The following CTIF variants were observed in gnomAD, a reference collection of about 807,000 sequenced individuals.
CTIF encodes CBP80/20-dependent translation initiation factor.
In CTIF, 21 loss-of-function variants were observed where a neutral mutation model predicts 66.0. The observed-to-expected ratio is 0.32, with a 90% CI of 0.23 to 0.46. The LOEUF is 0.46. CTIF is among the 20% of genes least tolerant of loss of function. CTIF has a pLI of 1.00. For missense variants in CTIF, 739 were observed against 812.7 expected (o/e 0.91, Z 1.10); for synonymous variants, 345 against 326.4 (o/e 1.06, Z -0.62).
At chr18:48,798,620 G>T (rs1212001144) in intron 9 of CTIF, among the ~76,000 whole-genome samples, 1 of 152,204 alleles carries the variant, frequency 6.6e-6, no homozygotes, top group Non-Finnish European at 1.5e-5. Flanking sequence ...CAGTTTCGGG[G>T]TGCACCCCCA....
rs769047846 is a variant in CTIF at position 48,619,700 on chromosome 18, G to A, written c.135G>A (p.Thr45=). Residue 45 remains threonine (T), a synonymous_variant, in exon 2 of 12, where the codon ACG becomes ACA. Transcript: ENST00000256413. The part of the protein sequence containing the change: ...YQVQGLLADK[T]EGDGESERTQ... ...TGCAGGGGCTGCTGGCTGACAAGAC[G>A]GAGGGTGATGGCGAGAGCGAGAGGA... The A allele has an allele frequency of 1.9e-5, 30 of 1,607,342 alleles. No individual in the cohort carries two copies. The highest frequency in any genetic ancestry group is 4.5e-5 in the East Asian group (2 of 44,628).
At chr18:48,667,253 C>T (rs1332217940) in intron 5 of CTIF, among the ~76,000 whole-genome samples, 1 of 152,006 alleles carries the variant, frequency 6.6e-6, no homozygotes, top group Non-Finnish European at 1.5e-5. Flanking sequence ...CTAGACTATG[C>T]AGTGTAGACA....
chr18:48,589,799 T>C (rs1488797650), intron 1 of CTIF, among the ~76,000 whole-genome samples: 1 of 152,224 alleles, frequency 6.6e-6, no homozygotes, highest in African/African-American at 2.4e-5. Context: ...AGAGGTCACC[T>C]GGGCCATCTT....
chr18:48,654,322 C>T (rs2091208209), intron 3 of CTIF, among the ~76,000 whole-genome samples: 1 of 152,154 alleles, frequency 6.6e-6, no homozygotes, highest in Non-Finnish European at 1.5e-5. Flanking sequence ...AGGATATGAA[C>T]AGACGCTTCT....
At chr18:48,730,185 G>T (rs567544237) in intron 7 of CTIF, among the ~76,000 whole-genome samples, 1 of 151,782 alleles carries the variant, frequency 6.6e-6, no homozygotes, top group Non-Finnish European at 1.5e-5. Context: ...AGTGTGAGGG[G>T]CCCCCGAGGT....
At position 48,682,075 on chromosome 18, in the gene CTIF, C is replaced by T. The variant is rs530273015; in HGVS notation, c.507+11331C>T. Among the ~76,000 whole-genome samples the T allele has an allele frequency of 4.3e-4, 66 of 151,956 alleles. 1 individual carries two copies. In the South Asian group the frequency reaches 9.4e-3, roughly 22 times the overall value. On this transcript the variant is annotated intron_variant, in intron 6 of 11. Coordinates refer to ENST00000256413, the MANE Select transcript of CTIF (RefSeq NM_014772.3). ...TGCTGGGATTACAGGTGTGAGCCAC[C>T]GTGCCCAGCCCCACACCTGTTCTTC... is the stretch of plus-strand genomic sequence containing the variant.
intron 6 of CTIF, among the ~76,000 whole-genome samples, chr18:48,697,635 G>C (rs2092026035): frequency 6.6e-6 from 1 of 152,156 alleles, no homozygotes; most frequent in South Asian, 2.1e-4. Flanking sequence ...CAAATGCCAG[G>C]GCAGGAACCC....
At chr18:48,787,186 G>A (rs1041216234) in intron 9 of CTIF, among the ~76,000 whole-genome samples, 5 of 152,076 alleles carry the variant, frequency 3.3e-5, no homozygotes, top group East Asian at 3.9e-4. Flanking sequence ...ACATCCACCC[G>A]CAGTCCTTAC....
At chr18:48,574,760 AGT>A (rs143374435) in intron 1 of CTIF, among the ~76,000 whole-genome samples, 11,181 of 152,082 alleles carry the variant, frequency 0.074, 480 homozygotes, top group South Asian at 0.1. Context: ...GTCCCCTAGG[AGT>A]GTGGTGTGAA....
chr18:48,599,442 G>A (rs574208657), intron 1 of CTIF, among the ~76,000 whole-genome samples: 1 of 152,178 alleles, frequency 6.6e-6, no homozygotes, highest in Admixed American at 6.5e-5. Flanking sequence ...TCTGAAAGAT[G>A]TCTTTGGATA....
At chr18:48,599,996 G>C (rs2090061726) in intron 1 of CTIF, among the ~76,000 whole-genome samples, 1 of 152,188 alleles carries the variant, frequency 6.6e-6, no homozygotes. Context: ...AGGGTGTGAG[G>C]TGAGAAGGGA....
rs2069492734 is a variant in CTIF at position 48,862,429 on chromosome 18, C to G, written c.*2870C>G. On this transcript the variant is annotated 3_prime_UTR_variant, in exon 12 of 12. Coordinates refer to ENST00000256413, the MANE Select transcript of CTIF (RefSeq NM_014772.3). ...GCGGCCTGCTTGCCACAGCCCTGCT[C>G]CCCAAGGCCTGGTGGCTTTGCCGAA... 2 of 152,676 alleles carry G rather than the reference C, an allele frequency of 1.3e-5. No individual in the cohort carries two copies. The highest frequency in any genetic ancestry group is 2.9e-5 in the Non-Finnish European group (2 of 68,068). 9.5% of individuals were successfully genotyped at this position (152,676 alleles called of 1,614,324 possible). A position where few individuals can be genotyped will look rare whatever the true frequency, so the allele number is the denominator to read the frequency against.
rs373130854 is a variant in CTIF, at chr18:48,636,594, C to A, written c.181-20C>A. Reference sequence around the variant, plus strand: ...GCCTGGCTGTCCTGCCGTCACTGATCGCTCCTTTCTGTTCTGCAGTGGACA... The same window carrying A: ...GCCTGGCTGTCCTGCCGTCACTGATAGCTCCTTTCTGTTCTGCAGTGGACA... On this transcript the variant is annotated intron_variant, in intron 2 of 11. Transcript: ENST00000256413. The A allele has an allele frequency of 6.6e-7, 1 of 1,510,976 alleles. No homozygotes were observed. The highest frequency in any genetic ancestry group is 8.9e-7 in the Non-Finnish European group (1 of 1,129,492). 93.6% of individuals were successfully genotyped at this position (1,510,976 alleles called of 1,614,324 possible).
chr18:48,613,798 T>C (rs1042613662), intron 1 of CTIF, among the ~76,000 whole-genome samples: 5 of 152,196 alleles, frequency 3.3e-5, no homozygotes, highest in African/African-American at 4.8e-5. Context: ...GAAGGAGCTC[T>C]GGGGCAGGTC....
chr18:48,699,775 C>G (rs1032844882), intron 6 of CTIF, among the ~76,000 whole-genome samples: 24 of 152,212 alleles, frequency 1.6e-4, no homozygotes, highest in Non-Finnish European at 1.0e-4. Context: ...GCGTATGCTT[C>G]TTTATTACCA....
intron 1 of CTIF, among the ~76,000 whole-genome samples, chr18:48,577,818 G>A (rs893105321): frequency 5.3e-5 from 8 of 152,186 alleles, no homozygotes; most frequent in East Asian, 1.9e-4. Context: ...CAAGTGATCC[G>A]CCCATCTGGG....
intron 7 of CTIF, among the ~76,000 whole-genome samples, chr18:48,747,051 G>A (rs553628033): frequency 1.3e-5 from 2 of 152,232 alleles, no homozygotes; most frequent in East Asian, 3.9e-4. Flanking sequence ...GGAACCATAT[G>A]TTATGTTGCT....
chr18:48,768,676 A>G (rs546587112), intron 9 of CTIF, among the ~76,000 whole-genome samples: 28 of 152,300 alleles, frequency 1.8e-4, no homozygotes, highest in Non-Finnish European at 2.1e-4. Flanking sequence ...TTGCAAGGCC[A>G]AGGCAGGAGG....
At chr18:48,671,367 A>G (rs1402584225) in intron 6 of CTIF, among the ~76,000 whole-genome samples, 1 of 152,122 alleles carries the variant, frequency 6.6e-6, no homozygotes, top group Admixed American at 6.5e-5. Context: ...GCAGGGGTGT[A>G]AAAGCAGTGG....
Sources: gnomAD v4.1 joint callset for allele counts (sites outside exome capture counted in the v4.1 genomes callset) on GRCh38, gnomAD v4.1.1 for gene constraint, MANE v1.5 for transcripts, NCBI Gene and HGNC (gene_info 2026-07-23, HGNC 2026-07-21) for gene names.